Variants in NSMCE2 observed in about 807,000 individuals in gnomAD.
NSMCE2 encodes the protein NSE2 SUMO ligase component of SMC5/6 complex.
NSMCE2 carries 24 observed loss-of-function variants against 23.8 expected under a neutral mutation model. The observed-to-expected ratio is 1.01, with a 90% CI of 0.73 to 1.42. The LOEUF (loss-of-function observed/expected upper bound fraction) is 1.42, where lower values mean the gene tolerates loss of function less well. NSMCE2 is among the 40% of genes most tolerant of loss of function. NSMCE2 has a pLI of 0.00. For missense variants in NSMCE2, 284 were observed against 296.5 expected (o/e 0.96, Z 0.31); for synonymous variants, 92 against 94.1 (o/e 0.98, Z 0.13).
chr8:125,256,749 C>A lies in NSMCE2; in HGVS notation c.418+74493C>A, dbSNP rs192759296. 4.0e-4 allele frequency among the ~76,000 whole-genome samples: 60 copies of A among 151,326 alleles called. No homozygotes were observed. In the East Asian group the frequency reaches 0.011, roughly 28 times the overall value. On this transcript the variant is annotated intron_variant, in intron 5 of 7. Coordinates refer to ENST00000287437, the MANE Select transcript of NSMCE2 (RefSeq NM_173685.4). ...GACCATCCTGGCTAACATGGTGAAA[C>A]CCTGTCTCTATTAAAAATACAAAAA...
intron 5 of NSMCE2, among the ~76,000 whole-genome samples, chr8:125,202,793 A>G (rs1297184118): frequency 6.6e-6 from 1 of 152,226 alleles, no homozygotes; most frequent in Non-Finnish European, 1.5e-5. Flanking sequence ...AGCATAAGCA[A>G]TGTTTTAATA....
chr8:125,259,615 T>TGAGTTATCCCATAGAG (rs1342231431), intron 5 of NSMCE2, among the ~76,000 whole-genome samples: 1 of 152,178 alleles, frequency 6.6e-6, no homozygotes, highest in African/African-American at 2.4e-5. Flanking sequence ...CGTACTTGCT[T>TGAGTTATCCCATAGAG]GAGTTATCCC....
At chr8:125,186,627 G>A (rs1196358636) in intron 5 of NSMCE2, among the ~76,000 whole-genome samples, 1 of 152,164 alleles carries the variant, frequency 6.6e-6, no homozygotes, top group Non-Finnish European at 1.5e-5. Context: ...AGAAACAAAT[G>A]TTATACAATG....
At chr8:125,154,674 C>A (rs985384400) in intron 4 of NSMCE2, among the ~76,000 whole-genome samples, 10 of 152,118 alleles carry the variant, frequency 6.6e-5, no homozygotes, top group Non-Finnish European at 1.5e-5. Flanking sequence ...GCATTTAGAT[C>A]CTCAGAGAGT....
At chr8:125,253,950 C>T (rs1826302939) in intron 5 of NSMCE2, among the ~76,000 whole-genome samples, 1 of 152,142 alleles carries the variant, frequency 6.6e-6, no homozygotes. Context: ...CATGACTTCT[C>T]CTATAAGATT....
chr8:125,137,278 A>G (rs1388245985), intron 3 of NSMCE2, among the ~76,000 whole-genome samples: 1 of 152,174 alleles, frequency 6.6e-6, no homozygotes, highest in Non-Finnish European at 1.5e-5. Flanking sequence ...ACAGCCTGTC[A>G]TCATGGATCT....
chr8:125,117,406 T>C (rs1323495533), intron 3 of NSMCE2, among the ~76,000 whole-genome samples: 2 of 152,184 alleles, frequency 1.3e-5, no homozygotes, highest in African/African-American at 4.8e-5. Flanking sequence ...TTTGGCTTTT[T>C]GTGTGTTTCC....
chr8:125,251,720 C>T (rs1826204848), intron 5 of NSMCE2, among the ~76,000 whole-genome samples: 1 of 152,236 alleles, frequency 6.6e-6, no homozygotes, highest in African/African-American at 2.4e-5. Context: ...TTCATCTTTA[C>T]CACCTTCTGC....
intron 5 of NSMCE2, among the ~76,000 whole-genome samples, chr8:125,191,998 G>A (rs1307572139): frequency 6.6e-6 from 1 of 152,176 alleles, no homozygotes; most frequent in Non-Finnish European, 1.5e-5. Context: ...TATAATTAAA[G>A]TTAGTGAAGA....
intron 3 of NSMCE2, among the ~76,000 whole-genome samples, chr8:125,133,078 C>G (rs1161643281): frequency 1.3e-5 from 2 of 152,116 alleles, no homozygotes; most frequent in Non-Finnish European, 2.9e-5. Flanking sequence ...CTGCTTCTAT[C>G]TTCAGTGTCT....
chr8:125,093,094 G>A (rs1280895700), intron 1 of NSMCE2, among the ~76,000 whole-genome samples: 3 of 152,300 alleles, frequency 2.0e-5, no homozygotes, highest in African/African-American at 7.2e-5. Context: ...CTTCTGTAAC[G>A]GAAATGCCAT....
At chr8:125,153,408 T>G (rs1009860207) in intron 4 of NSMCE2, among the ~76,000 whole-genome samples, 1 of 152,184 alleles carries the variant, frequency 6.6e-6, no homozygotes, top group Non-Finnish European at 1.5e-5. Flanking sequence ...CCAAGAATAA[T>G]AAATCACAAT....
chr8:125,136,972 G>A (rs1273944855), intron 3 of NSMCE2, among the ~76,000 whole-genome samples: 1 of 152,098 alleles, frequency 6.6e-6, no homozygotes, highest in Non-Finnish European at 1.5e-5. Context: ...AATGCAAATT[G>A]AATGGGATAA....
intron 4 of NSMCE2, among the ~76,000 whole-genome samples, chr8:125,176,957 T>TCTGA (rs1822529161): frequency 6.6e-6 from 1 of 152,246 alleles, no homozygotes; most frequent in African/African-American, 2.4e-5. Context: ...CATAGGCATT[T>TCTGA]CTGACACCTG....
chr8:125,262,341 A>G (rs1390662496), intron 5 of NSMCE2, among the ~76,000 whole-genome samples: 1 of 151,828 alleles, frequency 6.6e-6, no homozygotes, highest in Non-Finnish European at 1.5e-5. Context: ...AGGAAATGGC[A>G]TGGACCTGGG....
Position 125,284,765 on chromosome 8 carries a change from A to G in NSMCE2, c.419-72454A>G, listed in dbSNP as rs1827829173. On this transcript the variant is annotated intron_variant, in intron 5 of 7. Transcript: ENST00000287437. ...GAAATAACAACTAATAACAATAACA[A>G]CAATTTTTGTTTTGTGAAAAAATAA... Among the ~76,000 whole-genome samples the G allele has an allele frequency of 2.0e-5, 3 of 152,236 alleles. No individual in the cohort carries two copies. In the South Asian group the frequency reaches 6.2e-4, roughly 31 times the overall value.
intron 5 of NSMCE2, among the ~76,000 whole-genome samples, chr8:125,187,753 T>TAAG (rs1057108935): frequency 6.6e-6 from 1 of 152,152 alleles, no homozygotes; most frequent in Non-Finnish European, 1.5e-5. Flanking sequence ...TTTCAAAATA[T>TAAG]AAGGGCTTTG....
At position 125,096,309 on chromosome 8, in the gene NSMCE2, G is replaced by A. The variant is rs990472104; in HGVS notation, c.-111+4351G>A. 2.6e-5 allele frequency among the ~76,000 whole-genome samples: 4 copies of A among 152,210 alleles called. No homozygotes were observed. The East Asian group carries it at 5.8e-4, about 22-fold the overall frequency. On this transcript the variant is annotated intron_variant, in intron 1 of 7. Coordinates refer to ENST00000287437, the MANE Select transcript of NSMCE2 (RefSeq NM_173685.4). ...ATAGGCATGTAACCGGGTTGAAGAG[G>A]AAATGGTTTTGGTGGGCACCTGTCC...
chr8:125,236,209 A>C (rs1171896215), intron 5 of NSMCE2, among the ~76,000 whole-genome samples: 1 of 152,154 alleles, frequency 6.6e-6, no homozygotes, highest in Non-Finnish European at 1.5e-5. Flanking sequence ...GAGGTCAGGG[A>C]GTTTCTAGGG....
Sources: allele counts gnomAD v4.1 joint callset (sites outside exome capture counted in the v4.1 genomes callset), GRCh38; gene constraint gnomAD v4.1.1; transcripts MANE v1.5; gene names NCBI Gene and HGNC (gene_info 2026-07-23, HGNC 2026-07-21).